Variants in MRPS18B observed in about 807,000 individuals in gnomAD.
MRPS18B encodes the protein mitochondrial ribosomal protein S18B.
A neutral mutation model predicts 28.4 loss-of-function variants in MRPS18B; 27 were observed. The ratio of observed to expected loss-of-function variants is 0.95; its 90% CI spans 0.70 to 1.31. The LOEUF is 1.31. MRPS18B is among the 40% of genes most tolerant of loss of function. The pLI is 0.00. For missense variants in MRPS18B, 343 were observed against 335.9 expected, an observed-to-expected ratio of 1.02 and a Z score of -0.17; for synonymous variants, 118 against 123.7, an observed-to-expected ratio of 0.95 and a Z score of 0.30.
chr6:30,620,076 G>C, intron 4 of MRPS18B, 87 bp downstream of exon 4: 3 of 1,275,068 alleles, frequency 2.4e-6, no homozygotes, highest in Non-Finnish European at 2.3e-6. Context: ...CCAGCACTTT[G>C]GGAGGCCAAG....
chr6:30,626,175 C>T lies in MRPS18B; in HGVS notation c.*378C>T, dbSNP rs1056073045. On this transcript the variant is annotated 3_prime_UTR_variant, in exon 7 of 7. Coordinates refer to ENST00000259873, the MANE Select transcript of MRPS18B (RefSeq NM_014046.4). ...TATGTAGGTTTATGTGATGGGATAT[C>T]ACCCTGAAGAGTTGTGTCTTTTGTG... 3.6e-5 allele frequency: 8 copies of T among 220,552 alleles called. No individual in the cohort carries two copies. Among genetic ancestry groups the T allele is most frequent in the Non-Finnish European group, 6.2e-5 (7 of 112,192 alleles). The allele number at this position is 220,552 out of a possible 1,614,324, so 13.7% of individuals were successfully genotyped here.
chr6:30,624,758 G>A (rs191368784), intron 5 of MRPS18B, 125 bp from the exon 6 acceptor site: 2 of 983,964 alleles, frequency 2.0e-6, no homozygotes, highest in Non-Finnish European at 3.1e-6. Flanking sequence ...CCATGGAGGG[G>A]TCAGGGGAAA....
chr6:30,620,819 C>T (rs546741835), intron 4 of MRPS18B, among the ~76,000 whole-genome samples: 3 of 152,230 alleles, frequency 2.0e-5, no homozygotes, highest in South Asian at 2.1e-4. Context: ...CCACCCGCCT[C>T]GGCCTCCCAA....
chr6:30,618,083 C>T (rs1378726849), intron 1 of MRPS18B, 140 bp downstream of exon 1: 5 of 804,244 alleles, frequency 6.2e-6, no homozygotes, highest in Admixed American at 2.2e-5. Flanking sequence ...TGCAACCCCC[C>T]CCCCACACCC....
At chr6:30,619,659 C>T (rs1246754049) in intron 2 of MRPS18B, 50 bp from the exon 3 acceptor site, 2 of 1,607,210 alleles carry the variant, frequency 1.2e-6, no homozygotes, top group Non-Finnish European at 1.7e-6. Flanking sequence ...TGGACAGAGC[C>T]ACCCACTACA....
chr6:30,624,421 A>G (rs147276333), intron 5 of MRPS18B, among the ~76,000 whole-genome samples: 92 of 152,284 alleles, frequency 6.0e-4, no homozygotes, highest in African/African-American at 2.0e-3. Flanking sequence ...TGAATTCACC[A>G]TTGTTGGGGG....
At chr6:30,625,364 A>T in intron 6 of MRPS18B, 138 bp from the exon 7 acceptor site, 1 of 880,512 alleles carries the variant, frequency 1.1e-6, no homozygotes, top group Non-Finnish European at 1.8e-6. Flanking sequence ...TGGGCCGGTC[A>T]CCTGTTTGCA....
In MRPS18B at chr6:30,617,881, T is replaced by A; in HGVS notation, c.16T>A (p.Leu6Ile). MAASV[L>I]NTVLRRLPML... Reference sequence around the variant, plus strand: ...GTACGTCAAGATGGCGGCGTCTGTATTAAACACCGTGCTGAGGCGGCTTCC... The same window carrying A: ...GTACGTCAAGATGGCGGCGTCTGTAATAAACACCGTGCTGAGGCGGCTTCC... The change falls in exon 1 of 7, where the codon TTA becomes ATA. Residue 6 changes from leucine to isoleucine, a missense_variant. Transcript: ENST00000259873. 6.2e-7 allele frequency: 1 copy of A among 1,614,202 alleles called. No homozygotes were observed. The highest frequency in any genetic ancestry group is 8.5e-7 in the Non-Finnish European group (1 of 1,180,044).
intron 6 of MRPS18B, among the ~76,000 whole-genome samples, chr6:30,625,269 C>A (rs1761447896): frequency 6.6e-6 from 1 of 152,182 alleles, no homozygotes; most frequent in Non-Finnish European, 1.5e-5. Context: ...TCTGCTAGGG[C>A]AGATGCAGCT....
rs1278893394 is a variant in MRPS18B at position 30,617,887 on chromosome 6, A to G, written c.22A>G (p.Thr8Ala). Residue 8 changes from threonine to alanine, a missense_variant, in exon 1 of 7, where the codon ACC becomes GCC. Physicochemically the swap from Thr to Ala is moderately conservative, Grantham distance 58. Coordinates refer to ENST00000259873, the MANE Select transcript of MRPS18B (RefSeq NM_014046.4). Reference protein sequence around the residue: MAASVLNTVLRRLPMLSL... With the variant: MAASVLNAVLRRLPMLSL... ...CAAGATGGCGGCGTCTGTATTAAACACCGTGCTGAGGCGGCTTCCTATGCT... is the reference window on the plus strand; with the variant it reads ...CAAGATGGCGGCGTCTGTATTAAACGCCGTGCTGAGGCGGCTTCCTATGCT... 1 of 1,614,054 alleles carries G rather than the reference A, an allele frequency of 6.2e-7. No individual in the cohort carries two copies. Among genetic ancestry groups the G allele is most frequent in the East Asian group, 2.2e-5 (1 of 44,882 alleles).
intron 1 of MRPS18B, 42 bp from the exon 2 acceptor site, chr6:30,619,446 GTCCTT>G: frequency 6.7e-7 from 1 of 1,496,354 alleles, no homozygotes. Context: ...AAACAATTTA[GTCCTT>G]TCCTTAAACT....
chr6:30,624,636 G>T (rs1484582786), intron 5 of MRPS18B, among the ~76,000 whole-genome samples: 1 of 152,084 alleles, frequency 6.6e-6, no homozygotes, highest in Non-Finnish European at 1.5e-5. Context: ...TGTCTTGGAG[G>T]TTTTACCATT....
intron 1 of MRPS18B, among the ~76,000 whole-genome samples, chr6:30,619,177 A>G (rs1433815528): frequency 6.6e-6 from 1 of 152,202 alleles, no homozygotes; most frequent in Non-Finnish European, 1.5e-5. Flanking sequence ...GGGCCTCCCA[A>G]AGTGCTGGGA....
chr6:30,625,529 T>C lies in MRPS18B; in HGVS notation c.509T>C (p.Val170Ala), dbSNP rs1380334765. ...HGLLIYHIPQ[V>A]EPRDLDFSTS... The stretch of plus-strand genomic sequence containing the variant: ...CTCCTCATTTACCACATCCCCCAGG[T>C]TGAACCACGGGACCTTGACTTCAGT... Residue 170 changes from valine (V) to alanine (A), a missense_variant, in exon 7 of 7, where the codon GTT becomes GCT. Physicochemically the swap from Val to Ala is moderately conservative, Grantham distance 64. Transcript: ENST00000259873. 6.3e-7 allele frequency: 1 copy of C among 1,577,006 alleles called. No individual in the cohort carries two copies. The highest frequency in any genetic ancestry group is 8.7e-7 in the Non-Finnish European group (1 of 1,154,538).
Position 30,624,945 on chromosome 6 carries a change from G to T in MRPS18B, c.481+3G>T. 1.2e-6 allele frequency: 2 copies of T among 1,613,040 alleles called. No homozygotes were observed. Among genetic ancestry groups the T allele is most frequent in the Non-Finnish European group, 1.7e-6 (2 of 1,179,974 alleles). ...CATCCAGAAAGCCAGGGATCATGGT[G>T]AGCATGAGACGGGGCACACAGCAGT... On this transcript the variant is annotated splice_donor_region_variant and intron_variant, in intron 6 of 6. Transcript: ENST00000259873.
At chr6:30,625,121 C>T (rs1005506827) in intron 6 of MRPS18B, among the ~76,000 whole-genome samples, 179 bp downstream of exon 6, 2 of 152,238 alleles carry the variant, frequency 1.3e-5, no homozygotes, top group Non-Finnish European at 2.9e-5. Context: ...ATTGTCCTGT[C>T]TCCTTGTTCT....
intron 5 of MRPS18B, among the ~76,000 whole-genome samples, chr6:30,624,080 G>GT (rs200172839): frequency 8.3e-5 from 11 of 133,034 alleles, no homozygotes; most frequent in African/African-American, 1.1e-4. Context: ...CTTTGTTTTT[G>GT]TTTTTTTTGG....
Position 30,619,781 on chromosome 6 carries a change from C to G in MRPS18B, c.260C>G (p.Pro87Arg), listed in dbSNP as rs1450585533. 7 of 1,614,228 alleles carry G rather than the reference C, an allele frequency of 4.3e-6. No homozygotes were observed. In the South Asian group the frequency reaches 6.6e-5, roughly 15 times the overall value. ...YRRNHKGGVP[P>R]QRTRKTCIRR... The stretch of plus-strand genomic sequence containing the variant: ...CGCAACCACAAGGGTGGTGTACCCC[C>G]ACAGCGGACTCGGAAGACATGTATT... Residue 87 changes from proline to arginine, a missense_variant, in exon 3 of 7, where the codon CCA becomes CGA. Coordinates refer to ENST00000259873, the MANE Select transcript of MRPS18B (RefSeq NM_014046.4).
Position 30,625,627 on chromosome 6 carries a change from T to C in MRPS18B, c.607T>C (p.Tyr203His), listed in dbSNP as rs781612169. ...CTCAGGTGACCCCTGGTACCCATGG[T>C]ACAACTGGAAACAGCCACCGGAGAG... The part of the protein sequence containing the change: ...LVSGDPWYPW[Y>H]NWKQPPEREL... Residue 203 changes from tyrosine (Y) to histidine (H), a missense_variant, in exon 7 of 7, where the codon TAC (tyrosine) becomes CAC (histidine). Physicochemically the swap from Tyr to His is moderately conservative, Grantham distance 83. Transcript: ENST00000259873. The C allele has an allele frequency of 1.2e-6, 2 of 1,612,910 alleles. No homozygotes were observed. The highest frequency in any genetic ancestry group is 2.7e-5 in the African/African-American group (2 of 74,890).
Sources: allele counts gnomAD v4.1 joint callset (sites outside exome capture counted in the v4.1 genomes callset), GRCh38; gene constraint gnomAD v4.1.1; transcripts MANE v1.5; gene names NCBI Gene and HGNC (gene_info 2026-07-23, HGNC 2026-07-21).